Variants in SLC38A10 observed in about 807,000 individuals in gnomAD.
The protein encoded by SLC38A10 is Sodium-coupled neutral amino acid transporter 10.
In SLC38A10, 53 loss-of-function variants were observed where a neutral mutation model predicts 81.0. That is an observed-to-expected ratio of 0.65 (90% CI 0.53 to 0.82). SLC38A10 has a LOEUF of 0.82. Among genes scored for constraint, SLC38A10 ranks in the 40% least tolerant of loss-of-function variants. The pLI is 0.00. For synonymous variants in SLC38A10, 665 were observed against 655.3 expected, an observed-to-expected ratio of 1.01 and a Z score of -0.23; for missense variants, 1,471 against 1,545.0, an observed-to-expected ratio of 0.95 and a Z score of 0.80.
chr17:81,283,123 C>T lies in SLC38A10; in HGVS notation c.357+286G>A, dbSNP rs559215290. Among the ~76,000 whole-genome samples, 1 of 152,266 alleles carries T rather than the reference C, an allele frequency of 6.6e-6. No individual in the cohort carries two copies. Among genetic ancestry groups the T allele is most frequent in the South Asian group, 2.1e-4 (1 of 4,830 alleles). ...CGCCTCTGCCCTCCAATGGGCAGCC[C>T]GGGCTGGCAGAGACTTGCTCTGCAC... On this transcript the variant is annotated intron_variant, in intron 4 of 15. Transcript: ENST00000374759. The surrounding 1 kb of genome is among the most constrained non-coding windows in gnomAD (Gnocchi z 4.7).
At position 81,252,702 on chromosome 17, in the gene SLC38A10, C is replaced by A. The variant is rs2062931368; in HGVS notation, c.1457-19G>T. ...GCAATCCCTGCAAGGGCACGGGGGA[C>A]AGATGGGGTCAGGCTGAGGCCCCTC... On this transcript the variant is annotated intron_variant, in intron 12 of 15. Transcript: ENST00000374759. The A allele has an allele frequency of 1.3e-6, 2 of 1,574,082 alleles. No individual in the cohort carries two copies. The highest frequency in any genetic ancestry group is 1.7e-6 in the Non-Finnish European group (2 of 1,167,502).
Position 81,245,768 on chromosome 17 carries a change from G to A in SLC38A10, c.3148C>T (p.Arg1050Trp), listed in dbSNP as rs750737602. 8.1e-6 allele frequency: 13 copies of A among 1,596,712 alleles called. No homozygotes were observed. Among genetic ancestry groups the A allele is most frequent in the Admixed American group, 1.7e-5 (1 of 59,452 alleles). Reference sequence around the variant, plus strand: ...GGGCCAAGGTCCCGCCGTCGCCTCCGGAGGTCGGAGCCAGCCTGCAGTTTC... The same window carrying A: ...GGGCCAAGGTCCCGCCGTCGCCTCCAGAGGTCGGAGCCAGCCTGCAGTTTC... ...DLKLQAGSDL[R>W]RRRRDLGPHA... The change falls in exon 16 of 16, where the codon CGG becomes TGG. Residue 1050 changes from arginine (R) to tryptophan (W), a missense_variant. Around this residue, in one of 2 missense-constraint regions of SLC38A10, gnomAD observed 751 missense variants for 717.4 expected, o/e 1.05. Coordinates refer to ENST00000374759, the MANE Select transcript of SLC38A10 (RefSeq NM_001037984.3).
rs1295455088 is a variant in SLC38A10, at chr17:81,260,281, T to A, written c.1245A>T (p.Gly415=). Residue 415 remains glycine, a synonymous_variant, in exon 11 of 16, where the codon GGA becomes GGT. Coordinates refer to ENST00000374759, the MANE Select transcript of SLC38A10 (RefSeq NM_001037984.3). ...CCACCTTCATCAAACCCTCGGCCTC[T>A]CCAAGCCGGCCGCCAGGGGCTTCCT... The part of the protein sequence containing the change: ...LAEEAPGGRL[G]EAEGLMKVEA... 3 of 1,606,070 alleles carry A rather than the reference T, an allele frequency of 1.9e-6. No homozygotes were observed. Among genetic ancestry groups the A allele is most frequent in the Non-Finnish European group, 2.5e-6 (3 of 1,177,356 alleles).
rs1355028024 is a variant in SLC38A10 at position 81,265,392 on chromosome 17, A to G, written c.1132-4998T>C. ...GAGCGAGACTCTGTCTCAAAAAATAAAAAAAGAACAAAACACTTGGTGGCA... is the reference window on the plus strand; with the variant it reads ...GAGCGAGACTCTGTCTCAAAAAATAGAAAAAGAACAAAACACTTGGTGGCA... On this transcript the variant is annotated intron_variant, in intron 10 of 15. Coordinates refer to ENST00000374759, the MANE Select transcript of SLC38A10 (RefSeq NM_001037984.3). The surrounding 1 kb of genome is among the most constrained non-coding windows in gnomAD (Gnocchi z 4.2). 2 of 152,238 alleles carry G rather than the reference A, an allele frequency of 1.3e-5. No homozygotes were observed. The highest frequency in any genetic ancestry group is 4.8e-5 in the African/African-American group (2 of 41,442). 9.4% of individuals were successfully genotyped at this position (152,238 alleles called of 1,614,324 possible).
rs2063167254 is a variant in SLC38A10 at position 81,276,934 on chromosome 17, A to ACAGGGC, written c.729+91_729+96dup. 2.4e-6 allele frequency: 3 copies of ACAGGGC among 1,265,676 alleles called. No homozygotes were observed. The highest frequency in any genetic ancestry group is 1.5e-5 in the African/African-American group (1 of 67,848). The allele number at this position is 1,265,676 out of a possible 1,614,324, so 78.4% of individuals were successfully genotyped here. On this transcript the variant is annotated intron_variant, in intron 7 of 15. Transcript: ENST00000374759. This position sits in a 1 kb window ranked among gnomAD's most constrained non-coding sequence, Gnocchi z 4.7. Reference sequence around the variant, plus strand: ...AACAGAGAGAAAAACCCAGCAGCACACAGGGCCAGGGCCATGCCTGTGGCA... The same window carrying ACAGGGC: ...AACAGAGAGAAAAACCCAGCAGCACACAGGGCCAGGGCCAGGGCCATGCCTGTGGCA...
chr17:81,263,787 G>A (rs578058250), intron 10 of SLC38A10: 2 of 152,350 alleles, frequency 1.3e-5, no homozygotes, highest in Non-Finnish European at 2.9e-5. Flanking sequence ...CCTCATCCAT[G>A]AGGGGGCAGC....
intron 14 of SLC38A10, chr17:81,250,888 G>A: frequency 1.8e-6 from 2 of 1,100,084 alleles, no homozygotes; most frequent in Non-Finnish European, 2.2e-6. Context: ...AGGATTCAGA[G>A]CAAGTTTTAT....
rs756685655 is a variant in SLC38A10 at position 81,251,623 on chromosome 17, G to A, written c.1946-11C>T. The A allele has an allele frequency of 2.4e-5, 35 of 1,480,630 alleles. No homozygotes were observed. Among genetic ancestry groups the A allele is most frequent in the African/African-American group, 2.8e-5 (2 of 71,324 alleles). The allele number at this position is 1,480,630 out of a possible 1,614,324, so 91.7% of individuals were successfully genotyped here. On this transcript the variant is annotated splice_polypyrimidine_tract_variant and intron_variant, in intron 13 of 15. Coordinates refer to ENST00000374759, the MANE Select transcript of SLC38A10 (RefSeq NM_001037984.3). ...GGGGAGGCTTCCCACCTGCACACAC[G>A]GTGAAGACTCAGAAGGTTTTGCAGG...
intron 1 of SLC38A10, among the ~76,000 whole-genome samples, chr17:81,292,436 T>C (rs979850109): frequency 6.6e-6 from 1 of 151,198 alleles, no homozygotes; most frequent in Non-Finnish European, 1.5e-5. Flanking sequence ...TGTATATATA[T>C]AAATATATCA....
chr17:81,256,387 G>A (rs532925280), intron 11 of SLC38A10, among the ~76,000 whole-genome samples: 2 of 152,318 alleles, frequency 1.3e-5, no homozygotes, highest in East Asian at 1.9e-4. Context: ...CAGCACGGAC[G>A]GGCGGGGAGG....
At chr17:81,292,073 A>G (rs1345722948) in intron 1 of SLC38A10, among the ~76,000 whole-genome samples, 3 of 152,008 alleles carry the variant, frequency 2.0e-5, no homozygotes, top group Non-Finnish European at 4.4e-5. Flanking sequence ...AATGTTTATT[A>G]TATATATAAT....
In SLC38A10 at chr17:81,275,904, G is replaced by A. The variant is rs114516061; in HGVS notation, c.912+65C>T. ...CTATATCTCTGGTTCGGGACAGCTG[G>A]GGGCTTATGGGAAGCGAGCCTGACC... On this transcript the variant is annotated intron_variant, in intron 8 of 15. Transcript: ENST00000374759. The A allele has an allele frequency of 1.6e-3, 2,345 of 1,504,444 alleles. 43 individuals carry two copies. In the African/African-American group the frequency reaches 0.03, roughly 19 times the overall value. 93.2% of individuals were successfully genotyped at this position (1,504,444 alleles called of 1,614,324 possible).
chr17:81,268,988 T>C (rs1598393611), intron 10 of SLC38A10, among the ~76,000 whole-genome samples: 1 of 152,320 alleles, frequency 6.6e-6, no homozygotes, highest in African/African-American at 2.4e-5. Flanking sequence ...CTAAGTTAGC[T>C]ACAAAGCCAA....
In SLC38A10 at chr17:81,286,579, C is replaced by T. The variant is rs1040754016; in HGVS notation, c.218-1684G>A. ...AGAGAAAGGGAGGAAGAGGCTGAAG[C>T]GCCCAGCAAGGTCCCGGGGACCCAG... On this transcript the variant is annotated intron_variant, in intron 2 of 15. Coordinates refer to ENST00000374759, the MANE Select transcript of SLC38A10 (RefSeq NM_001037984.3). The surrounding 1 kb of genome is among the most constrained non-coding windows in gnomAD (Gnocchi z 6.0). 5.9e-5 allele frequency among the ~76,000 whole-genome samples: 9 copies of T among 152,200 alleles called. No individual in the cohort carries two copies. Among genetic ancestry groups the T allele is most frequent in the African/African-American group, 9.6e-5 (4 of 41,456 alleles).
At chr17:81,292,189 G>A (rs1052764415) in intron 1 of SLC38A10, among the ~76,000 whole-genome samples, 34 of 151,910 alleles carry the variant, frequency 2.2e-4, no homozygotes, top group African/African-American at 3.6e-4. Flanking sequence ...GTGCAGTGGC[G>A]CGATCTTGGC....
intron 8 of SLC38A10, among the ~76,000 whole-genome samples, chr17:81,273,776 C>T (rs553168967): frequency 1.1e-4 from 17 of 152,262 alleles, no homozygotes; most frequent in African/African-American, 3.9e-4. Flanking sequence ...AGATGGTTAG[C>T]CACGAGAGGT....
In SLC38A10 at chr17:81,248,328, G is replaced by A. The variant is rs561150242; in HGVS notation, c.2066-1267C>T. ...GCCCCCGCCAGCCATCCTAACCACC[G>A]CTCCTGAACACCATCCACTGTGGAA... On this transcript the variant is annotated intron_variant, in intron 14 of 15. Transcript: ENST00000374759. 3.3e-5 allele frequency among the ~76,000 whole-genome samples: 5 copies of A among 152,296 alleles called. No individual in the cohort carries two copies. In the South Asian group the frequency reaches 6.2e-4, roughly 19 times the overall value.
At chr17:81,268,475 G>A (rs1019811871) in intron 10 of SLC38A10, among the ~76,000 whole-genome samples, 3 of 149,876 alleles carry the variant, frequency 2.0e-5, no homozygotes, top group African/African-American at 4.9e-5. Context: ...GTGCTATCTC[G>A]GCTCACTGCA....
At chr17:81,250,104 C>T (rs1210024991) in intron 14 of SLC38A10, 4 of 1,287,716 alleles carry the variant, frequency 3.1e-6, no homozygotes, top group South Asian at 1.2e-5. Flanking sequence ...CTGCTCGTCC[C>T]GTTGAGAGGC....
Sources: gnomAD v4.1 joint callset for allele counts (sites outside exome capture counted in the v4.1 genomes callset) on GRCh38, gnomAD v4.1.1 for gene constraint, gnomAD v4.1.1 regional missense constraint, Gnocchi (gnomAD v3.1) non-coding constraint, MANE v1.5 for transcripts, NCBI Gene and HGNC (gene_info 2026-07-23, HGNC 2026-07-21) for gene names.